DNAH6: variants seen among roughly 807,000 people sequenced by gnomAD.
DNAH6 encodes the protein dynein axonemal heavy chain 6, also known as axonemal beta dynein heavy chain 6.
DNAH6 carries 340 observed loss-of-function variants against 491.4 expected under a neutral mutation model. That is an observed-to-expected ratio of 0.69 (90% CI 0.63 to 0.76). The LOEUF (loss-of-function observed/expected upper bound fraction) is 0.76, where lower values mean the gene tolerates loss of function less well. Among genes scored for constraint, DNAH6 ranks in the 30% least tolerant of loss-of-function variants. The pLI is 0.00. For synonymous variants in DNAH6, 1,603 were observed against 1,686.1 expected (o/e 0.95, Z 1.21); for missense variants, 4,443 against 4,972.2 (o/e 0.89, Z 3.20).
intron 22 of DNAH6, among the ~76,000 whole-genome samples, chr2:84,614,444 T>C (rs190286312): frequency 9.2e-5 from 14 of 152,306 alleles, no homozygotes; most frequent in Admixed American, 2.0e-4. Flanking sequence ...TTGATGTGCA[T>C]TGGGGCTGGT....
chr2:84,673,114 C>T (rs1692897867), intron 40 of DNAH6, among the ~76,000 whole-genome samples: 3 of 152,030 alleles, frequency 2.0e-5, no homozygotes, highest in Admixed American at 1.3e-4. Flanking sequence ...GGAGAAGCCT[C>T]CCAGAAGTGA....
Position 84,814,170 on chromosome 2 carries a change from C to G in DNAH6, c.12150+48C>G, listed in dbSNP as rs948096829. On this transcript the variant is annotated intron_variant, in intron 75 of 76. Coordinates refer to ENST00000389394, the MANE Select transcript of DNAH6 (RefSeq NM_001370.2). ...GGCAAAGCAGCTTCTATCCCACTGTCTTTGAAGATTTCAGACAACCTTCCA... is the reference window on the plus strand; with the variant it reads ...GGCAAAGCAGCTTCTATCCCACTGTGTTTGAAGATTTCAGACAACCTTCCA... 4 of 1,528,782 alleles carry G rather than the reference C, an allele frequency of 2.6e-6. No individual in the cohort carries two copies. The African/African-American group carries it at 5.5e-5, about 21-fold the overall frequency. 94.7% of individuals were successfully genotyped at this position (1,528,782 alleles called of 1,614,324 possible).
chr2:84,563,554 T>G (rs577853994), intron 11 of DNAH6, among the ~76,000 whole-genome samples: 1 of 152,264 alleles, frequency 6.6e-6, no homozygotes, highest in East Asian at 1.9e-4. Flanking sequence ...TTGATGAGGT[T>G]GTTTTTTGCT....
At position 84,653,254 on chromosome 2, in the gene DNAH6, G is replaced by T; in HGVS notation, c.5079-65G>T. The T allele has an allele frequency of 3.9e-6, 5 of 1,275,678 alleles. No homozygotes were observed. The South Asian group carries it at 7.8e-5, about 20-fold the overall frequency. The allele number at this position is 1,275,678 out of a possible 1,614,324, so 79.0% of individuals were successfully genotyped here. On this transcript the variant is annotated intron_variant, in intron 33 of 76. Transcript: ENST00000389394. ...TAAGACTCATAATATTTCATTGATT[G>T]TAACAAATACGGGAAAATATCAATG...
chr2:84,517,059 A>T (rs1440300581), intron 1 of DNAH6, among the ~76,000 whole-genome samples: 1 of 152,186 alleles, frequency 6.6e-6, no homozygotes, highest in African/African-American at 2.4e-5. Context: ...TTGCATACAA[A>T]GCTCTCATAT....
chr2:84,518,107 T>C, intron 2 of DNAH6, 56 bp downstream of exon 2: 1 of 1,366,190 alleles, frequency 7.3e-7, no homozygotes, highest in Non-Finnish European at 9.9e-7. Flanking sequence ...GTTGTAAAAT[T>C]GCTTTGGAGG....
chr2:84,715,643 G>A lies in DNAH6; in HGVS notation c.9611+16G>A. On this transcript the variant is annotated intron_variant, in intron 58 of 76. Coordinates refer to ENST00000389394, the MANE Select transcript of DNAH6 (RefSeq NM_001370.2). ...AGTTGTTAAGGTAAAAAAACAGGGA[G>A]TTGAGGGGAGGGAAGGGGGTATTGT... is the stretch of plus-strand genomic sequence containing the variant. 1 of 1,549,790 alleles carries A rather than the reference G, an allele frequency of 6.5e-7. No individual in the cohort carries two copies. The highest frequency in any genetic ancestry group is 8.7e-7 in the Non-Finnish European group (1 of 1,145,542).
At chr2:84,798,648 A>C (rs1352692242) in intron 70 of DNAH6, among the ~76,000 whole-genome samples, 2 of 152,194 alleles carry the variant, frequency 1.3e-5, no homozygotes, top group Admixed American at 1.3e-4. Context: ...CCCAAAGTGC[A>C]TCTATTCCAT....
Position 84,526,135 on chromosome 2 carries a change from C to T in DNAH6, c.399+397C>T, listed in dbSNP as rs1051549350. Among the ~76,000 whole-genome samples, 31 of 151,794 alleles carry T rather than the reference C, an allele frequency of 2.0e-4. 1 individual carries two copies. Among genetic ancestry groups the T allele is most frequent in the Admixed American group, 2.0e-3 (30 of 15,228 alleles). ...TGTGTAGCTGGTGAGAGTTGTAGAG[C>T]GAGGAAGTTGCCTTGAAAGGCATAA... On this transcript the variant is annotated intron_variant, in intron 3 of 76. Transcript: ENST00000389394.
At chr2:84,566,337 T>C (rs1681191087) in intron 11 of DNAH6, among the ~76,000 whole-genome samples, 1 of 152,046 alleles carries the variant, frequency 6.6e-6, no homozygotes, top group Non-Finnish European at 1.5e-5. Context: ...TAGAAAATAC[T>C]TCTTTCATAA....
chr2:84,796,337 C>T lies in DNAH6; in HGVS notation c.11271C>T (p.Asp3757=). 1 of 1,529,356 alleles carries T rather than the reference C, an allele frequency of 6.5e-7. No individual in the cohort carries two copies. Among genetic ancestry groups the T allele is most frequent in the Non-Finnish European group, 8.8e-7 (1 of 1,133,664 alleles). The allele number at this position is 1,529,356 out of a possible 1,614,324, so 94.7% of individuals were successfully genotyped here. The change falls in exon 69 of 77, where the codon GAC becomes GAT. Residue 3757 remains aspartate (D), a synonymous_variant. Coordinates refer to ENST00000389394, the MANE Select transcript of DNAH6 (RefSeq NM_001370.2). Reference sequence around the variant, plus strand: ...TTACTTATGGTGGTAGAGTCACAGACAGCTGGGACCAAAGATGCCTTCGTA... The same window carrying T: ...TTACTTATGGTGGTAGAGTCACAGATAGCTGGGACCAAAGATGCCTTCGTA... ...GEITYGGRVT[D]SWDQRCLRTI...
intron 4 of DNAH6, among the ~76,000 whole-genome samples, chr2:84,533,556 C>T (rs1014779708): frequency 3.3e-5 from 5 of 152,038 alleles, no homozygotes; most frequent in African/African-American, 4.8e-5. Context: ...TACCTTAGGA[C>T]GGATTTGGCT....
intron 40 of DNAH6, among the ~76,000 whole-genome samples, chr2:84,675,837 T>G (rs116480811): frequency 8.4e-4 from 128 of 152,248 alleles, no homozygotes; most frequent in African/African-American, 2.6e-3. Flanking sequence ...TTTTTGAATT[T>G]TTAGTAGGGA....
At chr2:84,805,529 C>A in intron 70 of DNAH6, 136 bp from the exon 71 acceptor site, 2 of 741,376 alleles carry the variant, frequency 2.7e-6, no homozygotes, top group Non-Finnish European at 4.0e-6. Flanking sequence ...ATTGTTCTTA[C>A]CACAATAAAA....
At position 84,634,441 on chromosome 2, in the gene DNAH6, A is replaced by G. The variant is rs1290050724; in HGVS notation, c.4516-63A>G. ...TTTTTCTTTAATATTTCAGCTCAGA[A>G]TTTAATTTTTGAAGGAGCTGAACTA... On this transcript the variant is annotated intron_variant, in intron 29 of 76. Transcript: ENST00000389394. 8 of 1,360,450 alleles carry G rather than the reference A, an allele frequency of 5.9e-6. No homozygotes were observed. The South Asian group carries it at 1.4e-4, about 24-fold the overall frequency. The allele number at this position is 1,360,450 out of a possible 1,614,324, so 84.3% of individuals were successfully genotyped here.
intron 59 of DNAH6, among the ~76,000 whole-genome samples, chr2:84,721,652 TA>T (rs1242923246): frequency 6.6e-6 from 1 of 152,212 alleles, no homozygotes; most frequent in African/African-American, 2.4e-5. Context: ...TTGGGTAGAT[TA>T]AAAATATACT....
At chr2:84,772,675 A>T (rs1675745806) in intron 64 of DNAH6, among the ~76,000 whole-genome samples, 1 of 152,140 alleles carries the variant, frequency 6.6e-6, no homozygotes, top group South Asian at 2.1e-4. Context: ...TTGAAGGCAG[A>T]GATAGTTCAA....
intron 26 of DNAH6, among the ~76,000 whole-genome samples, chr2:84,623,662 A>T (rs1296725363): frequency 6.6e-6 from 1 of 151,072 alleles, no homozygotes; most frequent in Non-Finnish European, 1.5e-5. Flanking sequence ...GTGGTCCCTC[A>T]TCAGGGTTGG....
chr2:84,533,272 C>T (rs569534238), intron 4 of DNAH6, among the ~76,000 whole-genome samples: 1 of 152,182 alleles, frequency 6.6e-6, no homozygotes, highest in East Asian at 1.9e-4. Flanking sequence ...TGCACTTTTC[C>T]ATGGTCATAC....
Sources: gnomAD v4.1 joint callset for allele counts (sites outside exome capture counted in the v4.1 genomes callset) on GRCh38, gnomAD v4.1.1 for gene constraint, MANE v1.5 for transcripts, NCBI Gene and HGNC (gene_info 2026-07-23, HGNC 2026-07-21) for gene names.